The following INTU variants were observed in gnomAD, a reference collection of about 807,000 sequenced individuals.
INTU encodes the protein protein inturned.
INTU carries 68 observed loss-of-function variants against 100.5 expected under a neutral mutation model. The observed-to-expected ratio is 0.68, with a 90% confidence interval of 0.56 to 0.83. The LOEUF (loss-of-function observed/expected upper bound fraction) is 0.83, where lower values mean the gene tolerates loss of function less well. INTU is among the 40% of genes least tolerant of loss of function. The pLI, the probability that INTU is intolerant of heterozygous loss-of-function variation, is 0.00. For missense variants in INTU, 1,071 were observed against 1,114.7 expected (o/e 0.96, Z 0.56); for synonymous variants, 357 against 395.7 (o/e 0.90, Z 1.16).
chr4:127,697,325 C>A (rs751336868), intron 8 of INTU, among the ~76,000 whole-genome samples: 5 of 151,988 alleles, frequency 3.3e-5, no homozygotes, highest in Non-Finnish European at 7.4e-5. Flanking sequence ...CTTCTCCCTA[C>A]CCCTCCATCC....
At chr4:127,675,825 A>C (rs555170796) in intron 6 of INTU, 12 of 203,892 alleles carry the variant, frequency 5.9e-5, no homozygotes, top group Non-Finnish European at 1.1e-5. Flanking sequence ...GGATGCTACA[A>C]GACCTTTTAT....
intron 5 of INTU, 150 bp from the exon 6 acceptor site, chr4:127,673,974 C>T (rs1045803205): frequency 3.2e-5 from 14 of 439,488 alleles, no homozygotes; most frequent in Non-Finnish European, 4.3e-5. Context: ...TAATTCCTTG[C>T]GTTTTTTATG....
At chr4:127,656,028 C>T (rs1160513289) in intron 2 of INTU, among the ~76,000 whole-genome samples, 1 of 152,232 alleles carries the variant, frequency 6.6e-6, no homozygotes, top group African/African-American at 2.4e-5. Flanking sequence ...GGAAAGGGAA[C>T]TCCCTGACCC....
At chr4:127,712,579 T>G (rs771442210) in intron 14 of INTU, among the ~76,000 whole-genome samples, 18 of 152,190 alleles carry the variant, frequency 1.2e-4, no homozygotes, top group Non-Finnish European at 2.5e-4. Context: ...ATTAGTATGC[T>G]GAGAAGAATT....
intron 15 of INTU, 57 bp downstream of exon 15, chr4:127,714,150 G>A (rs1201333223): frequency 1.4e-6 from 2 of 1,398,034 alleles, no homozygotes; most frequent in Non-Finnish European, 2.0e-6. Context: ...AAAGAAAAGT[G>A]GTAAAGGAGA....
At chr4:127,662,238 C>T (rs1252913158) in intron 3 of INTU, among the ~76,000 whole-genome samples, 2 of 152,066 alleles carry the variant, frequency 1.3e-5, no homozygotes, top group Admixed American at 1.3e-4. Flanking sequence ...GTTGTTTACT[C>T]TGTTGATTAT....
At chr4:127,697,875 C>A (rs1344003668) in intron 8 of INTU, among the ~76,000 whole-genome samples, 1 of 152,158 alleles carries the variant, frequency 6.6e-6, no homozygotes, top group Non-Finnish European at 1.5e-5. Context: ...AATCCAAGCA[C>A]TTTGGTAGGC....
At chr4:127,698,879 A>G (rs542437374) in intron 8 of INTU, among the ~76,000 whole-genome samples, 1 of 152,348 alleles carries the variant, frequency 6.6e-6, no homozygotes, top group South Asian at 2.1e-4. Context: ...GTTTTTCACA[A>G]GACAGACTAA....
intron 8 of INTU, among the ~76,000 whole-genome samples, chr4:127,691,542 A>G (rs1026213085): frequency 6.6e-6 from 1 of 151,732 alleles, no homozygotes; most frequent in Admixed American, 6.6e-5. Context: ...TCATGTGCTT[A>G]TTTGCCTTCT....
chr4:127,705,559 G>A, intron 10 of INTU, 32 bp from the exon 11 acceptor site: 2 of 1,504,038 alleles, frequency 1.3e-6, no homozygotes, highest in Non-Finnish European at 1.9e-6. Flanking sequence ...TATATCACTG[G>A]TAGACTTTTG....
At position 127,706,940 on chromosome 4, in the gene INTU, G is replaced by A. The variant is rs1478561519; in HGVS notation, c.2242G>A (p.Gly748Ser). The A allele has an allele frequency of 1.2e-6, 2 of 1,613,582 alleles. No individual in the cohort carries two copies. The highest frequency in any genetic ancestry group is 1.1e-5 in the South Asian group (1 of 91,058). The change falls in exon 12 of 16, where the codon GGT becomes AGT. Residue 748 changes from glycine to serine, a missense_variant. Coordinates refer to ENST00000335251, the MANE Select transcript of INTU (RefSeq NM_015693.4). ...RKQRESQGSDGLEESGTLLKV... is the reference protein window; with the variant it reads ...RKQRESQGSDSLEESGTLLKV... Reference sequence around the variant, plus strand: ...GCAAAGAGAATCTCAGGGCTCTGATGGTTTAGAAGAAAGTGGGACCTTGCT... The same window carrying A: ...GCAAAGAGAATCTCAGGGCTCTGATAGTTTAGAAGAAAGTGGGACCTTGCT...
At chr4:127,689,635 G>A (rs1459051) in intron 8 of INTU, among the ~76,000 whole-genome samples, 67,933 of 151,248 alleles carry the variant, frequency 0.45, 16,007 homozygotes, top group Middle Eastern at 0.66. Context: ...ACTGCACTAC[G>A]GTGGGGCAAC....
At chr4:127,700,854 A>G (rs79962059) in intron 9 of INTU, among the ~76,000 whole-genome samples, 5,626 of 152,158 alleles carry the variant, frequency 0.037, 166 homozygotes, top group Middle Eastern at 0.066. Context: ...CTGTTAAATG[A>G]AGAAAAATCA....
At chr4:127,670,417 C>A (rs1728871832) in intron 5 of INTU, among the ~76,000 whole-genome samples, 1 of 151,838 alleles carries the variant, frequency 6.6e-6, no homozygotes, top group African/African-American at 2.4e-5. Flanking sequence ...TCATGTTTAA[C>A]TATGTGACTT....
chr4:127,688,689 A>G (rs1729948254), intron 8 of INTU, among the ~76,000 whole-genome samples: 1 of 152,182 alleles, frequency 6.6e-6, no homozygotes, highest in South Asian at 2.1e-4. Context: ...CAGTTTCCTC[A>G]TCTGTAAAAT....
rs972183481 is a variant in INTU, at chr4:127,723,072, A to G, written c.*6636A>G. On this transcript the variant is annotated 3_prime_UTR_variant, in exon 16 of 16. Transcript: ENST00000335251. Reference sequence around the variant, plus strand: ...AAAGCTCTGGTAGCATTGGCTCAGGAGGGAACCTCCTGATCTACAAGTTGC... The same window carrying G: ...AAAGCTCTGGTAGCATTGGCTCAGGGGGGAACCTCCTGATCTACAAGTTGC... 8 of 152,102 alleles carry G rather than the reference A, an allele frequency of 5.3e-5. No individual in the cohort carries two copies. Among genetic ancestry groups the G allele is most frequent in the African/African-American group, 1.9e-4 (8 of 41,398 alleles). The allele number at this position is 152,102 out of a possible 1,614,324, so 9.4% of individuals were successfully genotyped here. A position where few individuals can be genotyped will look rare whatever the true frequency, so the allele number is the denominator to read the frequency against.
At chr4:127,704,367 A>T (rs1431263493) in intron 10 of INTU, 77 bp downstream of exon 10, 4 of 1,027,472 alleles carry the variant, frequency 3.9e-6, no homozygotes, top group Non-Finnish European at 6.0e-6. Flanking sequence ...TACAAACATG[A>T]AAAATACATT....
At chr4:127,684,855 T>C (rs1417172636) in intron 7 of INTU, among the ~76,000 whole-genome samples, 5 of 152,058 alleles carry the variant, frequency 3.3e-5, no homozygotes, top group Non-Finnish European at 7.4e-5. Flanking sequence ...ATTAGTGATA[T>C]AACCACAACT....
Position 127,650,791 on chromosome 4 carries a change from G to A in INTU, c.683-5845G>A, listed in dbSNP as rs1727823802. Among the ~76,000 whole-genome samples, 4 of 151,530 alleles carry A rather than the reference G, an allele frequency of 2.6e-5. No homozygotes were observed. In the South Asian group the frequency reaches 6.3e-4, roughly 24 times the overall value. Reference sequence around the variant, plus strand: ...TCTAGTTCTAGATCCCTGAGGAATCGCCACACTGACTTCCACAATGGTTGA... The same window carrying A: ...TCTAGTTCTAGATCCCTGAGGAATCACCACACTGACTTCCACAATGGTTGA... On this transcript the variant is annotated intron_variant, in intron 2 of 15. Coordinates refer to ENST00000335251, the MANE Select transcript of INTU (RefSeq NM_015693.4).
Sources: gnomAD v4.1 joint callset for allele counts (sites outside exome capture counted in the v4.1 genomes callset) on GRCh38, gnomAD v4.1.1 for gene constraint, MANE v1.5 for transcripts, NCBI Gene and HGNC (gene_info 2026-07-23, HGNC 2026-07-21) for gene names.